MRAP2: variants seen among roughly 807,000 people sequenced by gnomAD.
MRAP2 encodes the protein melanocortin 2 receptor accessory protein 2.
MRAP2 carries 20 observed loss-of-function variants against 17.4 expected under a neutral mutation model. The observed-to-expected ratio is 1.15, with a 90% CI of 0.81 to 1.67. MRAP2 has a LOEUF of 1.67. MRAP2 is among the 40% of genes most tolerant of loss of function. The pLI, the probability that MRAP2 is intolerant of heterozygous loss-of-function variation, is 0.00. For synonymous variants in MRAP2, 96 were observed against 88.4 expected (o/e 1.09, Z -0.48); for missense variants, 238 against 240.0 (o/e 0.99, Z 0.05).
chr6:84,123,610 A>G, the MRAP2 span, among the ~76,000 whole-genome samples: 1 of 152,208 alleles, frequency 6.6e-6, no homozygotes, highest in African/African-American at 2.4e-5. Flanking sequence ...GTAAGACTTA[A>G]AAGTATTAAA....
intron 1 of MRAP2, among the ~76,000 whole-genome samples, chr6:84,037,797 A>G (rs1450267723): frequency 9.2e-5 from 14 of 151,660 alleles, no homozygotes. Flanking sequence ...CACGCTGGCC[A>G]GCCCGGGTTC....
chr6:84,117,651 CTG>C, the MRAP2 span, among the ~76,000 whole-genome samples: 1,583 of 104,592 alleles, frequency 0.015, 11 homozygotes, highest in Admixed American at 0.022. Context: ...GGGTGTGTGT[CTG>C]TGTGTGTGTG....
At chr6:84,139,205 G>C in the MRAP2 span, among the ~76,000 whole-genome samples, 1 of 152,176 alleles carries the variant, frequency 6.6e-6, no homozygotes, top group Non-Finnish European at 1.5e-5. Context: ...TATTAGCCCA[G>C]AGATGGCACC....
At chr6:84,044,857 C>T (rs1372976717) in intron 1 of MRAP2, among the ~76,000 whole-genome samples, 2 of 152,070 alleles carry the variant, frequency 1.3e-5, no homozygotes, top group Admixed American at 6.5e-5. Flanking sequence ...GCTCCACACC[C>T]GTGGGTTCCA....
chr6:84,086,539 G>A (rs1226249474), intron 3 of MRAP2, among the ~76,000 whole-genome samples: 1 of 152,066 alleles, frequency 6.6e-6, no homozygotes, highest in East Asian at 1.9e-4. Context: ...TATCAGTCAA[G>A]GAAAGAAGAA....
chr6:84,090,398 T>G lies in MRAP2; in HGVS notation c.*917T>G, dbSNP rs2099501562. On this transcript the variant is annotated 3_prime_UTR_variant, in exon 4 of 4. Coordinates refer to ENST00000257776, the MANE Select transcript of MRAP2 (RefSeq NM_138409.4). ...TCTTCTGAGAACTTCCAACCACCCA[T>G]GCTCTAACCTGGAGACAGCCATCCC... is the stretch of plus-strand genomic sequence containing the variant. 1 of 152,224 alleles carries G rather than the reference T, an allele frequency of 6.6e-6. No individual in the cohort carries two copies. Among genetic ancestry groups the G allele is most frequent in the Non-Finnish European group, 1.5e-5 (1 of 68,092 alleles). 9.4% of individuals were successfully genotyped at this position (152,224 alleles called of 1,614,324 possible).
chr6:84,054,715 C>T (rs889918266), intron 1 of MRAP2, among the ~76,000 whole-genome samples: 3 of 152,182 alleles, frequency 2.0e-5, no homozygotes, highest in African/African-American at 7.2e-5. Flanking sequence ...AACATTCTTT[C>T]TTCTTACAGA....
chr6:84,050,430 T>C (rs967224149), intron 1 of MRAP2, among the ~76,000 whole-genome samples: 20 of 152,196 alleles, frequency 1.3e-4, no homozygotes, highest in African/African-American at 4.8e-4. Context: ...CAGAGTGTGA[T>C]TCATAACCTT....
intron 1 of MRAP2, among the ~76,000 whole-genome samples, chr6:84,035,984 C>T (rs567332769): frequency 0.029 from 4,385 of 152,196 alleles, 91 homozygotes; most frequent in Non-Finnish European, 0.049. Flanking sequence ...GAAATGTTTT[C>T]ATTACTTGGA....
intron 1 of MRAP2, among the ~76,000 whole-genome samples, chr6:84,038,707 C>T (rs1320406070): frequency 6.6e-6 from 1 of 152,120 alleles, no homozygotes; most frequent in Admixed American, 6.5e-5. Flanking sequence ...GTTGCCCAGG[C>T]TGGTCTTGCA....
downstream of MRAP2, among the ~76,000 whole-genome samples, chr6:84,095,812 A>T (rs1293329126): frequency 1.3e-5 from 2 of 152,206 alleles, no homozygotes; most frequent in Non-Finnish European, 1.5e-5. Flanking sequence ...GCTTGTGCTG[A>T]TTCTCGAGGC....
chr6:84,046,105 G>T (rs1158657285), intron 1 of MRAP2, among the ~76,000 whole-genome samples: 1 of 152,194 alleles, frequency 6.6e-6, no homozygotes, highest in African/African-American at 2.4e-5. Context: ...CAGACTGCTA[G>T]CCCTCCTGTC....
chr6:84,071,614 T>G (rs1479737542), intron 3 of MRAP2, among the ~76,000 whole-genome samples: 1 of 152,214 alleles, frequency 6.6e-6, no homozygotes, highest in Non-Finnish European at 1.5e-5. Context: ...TTCTTGTATT[T>G]GGATGTCTAG....
At chr6:84,088,018 A>G (rs1406887806) in intron 3 of MRAP2, among the ~76,000 whole-genome samples, 1 of 151,652 alleles carries the variant, frequency 6.6e-6, no homozygotes, top group Non-Finnish European at 1.5e-5. Flanking sequence ...TTTGTTTTTC[A>G]CCTCTGCCCA....
At chr6:84,145,825 G>A in the MRAP2 span, among the ~76,000 whole-genome samples, 5 of 152,070 alleles carry the variant, frequency 3.3e-5, no homozygotes, top group Non-Finnish European at 5.9e-5. Context: ...TACTCAAACT[G>A]TAAAAAATGC....
downstream of MRAP2, among the ~76,000 whole-genome samples, chr6:84,091,377 T>C (rs1212006185): frequency 6.6e-6 from 1 of 151,572 alleles, no homozygotes; most frequent in African/African-American, 2.4e-5. Context: ...TACAGGCACG[T>C]GCCACCACGC....
At chr6:84,131,115 C>T in the MRAP2 span, among the ~76,000 whole-genome samples, 1 of 152,140 alleles carries the variant, frequency 6.6e-6, no homozygotes, top group African/African-American at 2.4e-5. Flanking sequence ...CATTATTTAT[C>T]CAGTAGTCCT....
At chr6:84,145,286 G>A in the MRAP2 span, among the ~76,000 whole-genome samples, 1 of 152,034 alleles carries the variant, frequency 6.6e-6, no homozygotes, top group African/African-American at 2.4e-5. Context: ...TTTGGCATGC[G>A]TTTCTAGCCT....
At chr6:84,122,121 G>A in the MRAP2 span, among the ~76,000 whole-genome samples, 7 of 151,954 alleles carry the variant, frequency 4.6e-5, no homozygotes, top group East Asian at 7.7e-4. Flanking sequence ...GATTCACAGC[G>A]AAATTCTACC....
Sources: allele counts gnomAD v4.1 joint callset (sites outside exome capture counted in the v4.1 genomes callset), GRCh38; gene constraint gnomAD v4.1.1; transcripts MANE v1.5; gene names NCBI Gene and HGNC (gene_info 2026-07-23, HGNC 2026-07-21).